The following AWAT1 variants were observed in gnomAD, a reference collection of about 807,000 sequenced individuals.
AWAT1 encodes the protein diacyl-glycerol acyltransferase 2.
A neutral mutation model predicts 21.6 loss-of-function variants in AWAT1; 26 were observed. The observed-to-expected ratio is 1.20, with a 90% CI of 0.88 to 1.67. The LOEUF (loss-of-function observed/expected upper bound fraction) is 1.67, where lower values mean the gene tolerates loss of function less well. Among genes scored for constraint, AWAT1 ranks in the 40% most tolerant of loss-of-function variants. AWAT1 has a pLI of 0.00. For synonymous variants in AWAT1, 102 were observed against 99.3 expected (o/e 1.03, Z -0.16); for missense variants, 264 against 249.4 (o/e 1.06, Z -0.39).
intron 3 of AWAT1, among the ~76,000 whole-genome samples, chrX:70,236,635 G>A (rs1294447410): frequency 1.8e-5 from 2 of 111,586 alleles, no homozygotes; most frequent in African/African-American, 3.3e-5. Context: ...AAGGGGATTG[G>A]CAGGAAACAA....
chrX:70,239,607 A>C, intron 5 of AWAT1, 128 bp from the exon 6 acceptor site: 3 of 604,104 alleles, frequency 5.0e-6, no homozygotes, highest in Non-Finnish European at 8.0e-6. Context: ...GTTTAGTGCA[A>C]GAAAAAATGC....
chrX:70,235,783 C>T lies in AWAT1; in HGVS notation c.144C>T (p.Tyr48=), dbSNP rs2147623305. The T allele has an allele frequency of 8.3e-7, 1 of 1,210,361 alleles. No homozygotes were observed. Among genetic ancestry groups the T allele is most frequent in the Non-Finnish European group, 1.1e-6 (1 of 894,366 alleles). ...FTSLWPLPVL[Y]FAWLFLDWKT... The stretch of plus-strand genomic sequence containing the variant: ...CCTTGTGGCCGCTACCAGTGCTTTA[C>T]TTTGCCTGGTTGTTCCTGGACTGGA... Residue 48 remains tyrosine (Y), a synonymous_variant, in exon 2 of 7, where the codon TAC becomes TAT. Coordinates refer to ENST00000374521, the MANE Select transcript of AWAT1 (RefSeq NM_001013579.3).
intron 5 of AWAT1, 22 bp downstream of exon 5, chrX:70,238,405 G>A (rs767685834): frequency 4.3e-6 from 5 of 1,159,288 alleles, no homozygotes; most frequent in Non-Finnish European, 5.8e-6. Flanking sequence ...CCACAGAGGG[G>A]CAGTGCATGG....
At chrX:70,239,624 T>G in intron 5 of AWAT1, 111 bp from the exon 6 acceptor site, 1 of 688,768 alleles carries the variant, frequency 1.5e-6, no homozygotes, top group Non-Finnish European at 2.3e-6. Flanking sequence ...ATGCTTTATG[T>G]CACCAGGATT....
chrX:70,240,617 G>T lies in AWAT1; in HGVS notation c.*327G>T. The T allele has an allele frequency of 4.3e-6, 1 of 234,946 alleles. No individual in the cohort carries two copies. Among genetic ancestry groups the T allele is most frequent in the Non-Finnish European group, 7.7e-6 (1 of 129,795 alleles). The allele number at this position is 234,946 out of a possible 1,213,427, so 19.4% of individuals were successfully genotyped here. ...CAACTATCTACTTTCTGTCTCTGTG[G>T]ATTTGCCAATTCTGAACATTTTATA... On this transcript the variant is annotated 3_prime_UTR_variant, in exon 7 of 7. Transcript: ENST00000374521.
chrX:70,237,780 C>T (rs12009421), intron 4 of AWAT1, among the ~76,000 whole-genome samples: 14,484 of 92,143 alleles, frequency 0.16, 960 homozygotes, highest in Middle Eastern at 0.19. Context: ...TGCAGTGAGC[C>T]GAGATCACAG....
At chrX:70,239,222 T>C in intron 5 of AWAT1, among the ~76,000 whole-genome samples, 1 of 112,463 alleles carries the variant, frequency 8.9e-6, no homozygotes, top group Admixed American at 9.4e-5. Flanking sequence ...CCACGGCCTT[T>C]GCTGTGAGGA....
chrX:70,234,869 G>A, intron 1 of AWAT1, 98 bp downstream of exon 1: 2 of 760,385 alleles, frequency 2.6e-6, no homozygotes, highest in Non-Finnish European at 4.0e-6. Context: ...CTCATTTTGA[G>A]CCTTTCCATC....
rs1382790331 is a variant in AWAT1 at position 70,239,717 on chromosome X, A to G, written c.633-18A>G. 7 of 1,195,700 alleles carry G rather than the reference A, an allele frequency of 5.9e-6. No homozygotes were observed. The highest frequency in any genetic ancestry group is 7.9e-6 in the Non-Finnish European group (7 of 882,128). Reference sequence around the variant, plus strand: ...ATCCTAGCTTGTGTTTAGAAAATAAATTGGAGTTTTCCTACAGGGCTCATC... The same window carrying G: ...ATCCTAGCTTGTGTTTAGAAAATAAGTTGGAGTTTTCCTACAGGGCTCATC... On this transcript the variant is annotated intron_variant, in intron 5 of 6. Coordinates refer to ENST00000374521, the MANE Select transcript of AWAT1 (RefSeq NM_001013579.3).
intron 5 of AWAT1, 31 bp from the exon 6 acceptor site, chrX:70,239,704 G>A (rs1293396210): frequency 1.7e-6 from 2 of 1,170,194 alleles, no homozygotes; most frequent in Admixed American, 2.2e-5. Context: ...CCTAGCTTGT[G>A]TTTAGAAAAT....
At chrX:70,238,620 C>T (rs898946432) in intron 5 of AWAT1, among the ~76,000 whole-genome samples, 1 of 112,374 alleles carries the variant, frequency 8.9e-6, no homozygotes, top group South Asian at 3.7e-4. Flanking sequence ...ATAGATGATG[C>T]CCACATTATC....
At chrX:70,235,957 G>T in intron 2 of AWAT1, 112 bp from the exon 3 acceptor site, 1 of 904,754 alleles carries the variant, frequency 1.1e-6, no homozygotes. Context: ...CCATCCTAGG[G>T]TCTCCTCCTT....
chrX:70,237,262 T>C lies in AWAT1; in HGVS notation c.460+14T>C. ...TCATGGCCAAAGGTGCTTCTGACCATACTTACTGGAGCTTCTGGTCCATGT... is the reference window on the plus strand; with the variant it reads ...TCATGGCCAAAGGTGCTTCTGACCACACTTACTGGAGCTTCTGGTCCATGT... On this transcript the variant is annotated intron_variant, in intron 4 of 6. Transcript: ENST00000374521. 1 of 1,184,318 alleles carries C rather than the reference T, an allele frequency of 8.4e-7. No homozygotes were observed. The highest frequency in any genetic ancestry group is 1.8e-5 in the South Asian group (1 of 54,909).
chrX:70,239,326 G>A (rs971470133), intron 5 of AWAT1, among the ~76,000 whole-genome samples: 3 of 112,623 alleles, frequency 2.7e-5, no homozygotes, highest in Admixed American at 9.4e-5. Flanking sequence ...TTTCCCTCAC[G>A]GAATTTGAGC....
In AWAT1 at chrX:70,238,554, C is replaced by G. The variant is rs982083758; in HGVS notation, c.632+171C>G. Among the ~76,000 whole-genome samples, 3 of 112,394 alleles carry G rather than the reference C, an allele frequency of 2.7e-5. No individual in the cohort carries two copies. In the Admixed American group the frequency reaches 2.8e-4, roughly 11 times the overall value. On this transcript the variant is annotated intron_variant, in intron 5 of 6. Transcript: ENST00000374521. ...CTAGCTCAACTAGTTTCTAAGAGGC[C>G]AAACCATAAACCCAGGTTCAATATC...
chrX:70,238,263 C>G lies in AWAT1; in HGVS notation c.512C>G (p.Thr171Ser), dbSNP rs777536787. 2.0e-5 allele frequency: 24 copies of G among 1,211,118 alleles called. 1 individual carries two copies. The highest frequency in any genetic ancestry group is 1.2e-4 in the South Asian group (7 of 56,904). ...PAINYLLSHG[T>S]GNLVGIVVGG... The stretch of plus-strand genomic sequence containing the variant: ...ATCAACTATCTGCTGAGCCATGGCA[C>G]TGGCAACCTCGTGGGCATTGTAGTG... The change falls in exon 5 of 7, where the codon ACT becomes AGT. Residue 171 changes from threonine to serine, a missense_variant. Physicochemically the swap from Thr to Ser is moderately conservative, Grantham distance 58. Transcript: ENST00000374521.
rs767429250 is a variant in AWAT1 at position 70,236,143 on chromosome X, A to C, written c.255+4A>C. On this transcript the variant is annotated splice_donor_region_variant and intron_variant, in intron 3 of 6. Transcript: ENST00000374521. ...CAGGGACTATTTCCCCATTACGGTA[A>C]GTATCTCTTCCCCAGTGTCCTCAGA... 5 of 1,202,376 alleles carry C rather than the reference A, an allele frequency of 4.2e-6. No individual in the cohort carries two copies. The highest frequency in any genetic ancestry group is 5.6e-6 in the Non-Finnish European group (5 of 886,861).
rs749921607 is a variant in AWAT1 at position 70,234,668 on chromosome X, C to T, written c.-28C>T. The T allele has an allele frequency of 3.4e-6, 4 of 1,187,031 alleles. No individual in the cohort carries two copies. The Admixed American group carries it at 8.8e-5, about 26-fold the overall frequency. On this transcript the variant is annotated 5_prime_UTR_variant, in exon 1 of 7. Coordinates refer to ENST00000374521, the MANE Select transcript of AWAT1 (RefSeq NM_001013579.3). The stretch of plus-strand genomic sequence containing the variant: ...TTTGGTTGGAACACTGTTCTGAGAT[C>T]TTTGCCTCCCTCAGGCTCCCGAGAA...
rs183148496 is a variant in AWAT1 at position 70,240,598 on chromosome X, T to C, written c.*308T>C. 12 of 256,349 alleles carry C rather than the reference T, an allele frequency of 4.7e-5. No individual in the cohort carries two copies. Among genetic ancestry groups the C allele is most frequent in the Non-Finnish European group, 6.3e-5 (9 of 143,605 alleles). 21.1% of individuals were successfully genotyped at this position (256,349 alleles called of 1,213,427 possible). On this transcript the variant is annotated 3_prime_UTR_variant, in exon 7 of 7. Transcript: ENST00000374521. ...TATTCCCCCAGCCCCTGGGCAACTATCTACTTTCTGTCTCTGTGGATTTGC... is the reference window on the plus strand; with the variant it reads ...TATTCCCCCAGCCCCTGGGCAACTACCTACTTTCTGTCTCTGTGGATTTGC...
Sources: allele counts gnomAD v4.1 joint callset (sites outside exome capture counted in the v4.1 genomes callset), GRCh38; gene constraint gnomAD v4.1.1; transcripts MANE v1.5; gene names NCBI Gene and HGNC (gene_info 2026-07-23, HGNC 2026-07-21).